The following CORO2A variants were observed in gnomAD, a reference collection of about 807,000 sequenced individuals.
The protein encoded by CORO2A is coronin 2A, also known as coronin-2A.
CORO2A carries 47 observed loss-of-function variants against 62.4 expected under a neutral mutation model. The observed-to-expected ratio is 0.75, with a 90% confidence interval of 0.60 to 0.96. The LOEUF is 0.96. Ranked by LOEUF, CORO2A falls within the 40% of genes least tolerant of loss-of-function variation. The probability of loss-of-function intolerance (pLI) is 0.00; values close to 1 mark genes in which losing one functional copy is unlikely to be tolerated. For synonymous variants in CORO2A, 273 were observed against 268.9 expected (o/e 1.02, Z -0.15); for missense variants, 610 against 684.1 (o/e 0.89, Z 1.21).
At chr9:98,177,457 GTTT>G (rs1174402008) in intron 1 of CORO2A, among the ~76,000 whole-genome samples, 13,932 of 97,676 alleles carry the variant, frequency 0.14, 626 homozygotes, top group East Asian at 0.27. Flanking sequence ...TCCAAACTTT[GTTT>G]TTTTTTTTTT....
chr9:98,190,382 CTTTTTA>C (rs1828292031), intron 1 of CORO2A, among the ~76,000 whole-genome samples: 1 of 152,164 alleles, frequency 6.6e-6, no homozygotes, highest in South Asian at 2.1e-4. Context: ...AGAGTTTCAT[CTTTTTA>C]TTTTTATTTT....
chr9:98,151,966 G>A (rs537669852), intron 2 of CORO2A, among the ~76,000 whole-genome samples: 59 of 150,416 alleles, frequency 3.9e-4, no homozygotes, highest in Middle Eastern at 3.4e-3. Flanking sequence ...ACAGGCGCAC[G>A]CCACCATGCC....
chr9:98,138,599 T>G (rs1283631656), intron 2 of CORO2A, among the ~76,000 whole-genome samples: 1 of 152,152 alleles, frequency 6.6e-6, no homozygotes, highest in Non-Finnish European at 1.5e-5. Flanking sequence ...ACAGCATGGA[T>G]TAACCTAGAA....
intron 1 of CORO2A, among the ~76,000 whole-genome samples, chr9:98,164,239 T>C (rs1175375783): frequency 6.6e-6 from 1 of 152,188 alleles, no homozygotes; most frequent in African/African-American, 2.4e-5. Context: ...TAAAGAACGC[T>C]CTATGTGAAG....
At chr9:98,179,870 G>A (rs1423094730) in intron 1 of CORO2A, among the ~76,000 whole-genome samples, 1 of 152,090 alleles carries the variant, frequency 6.6e-6, no homozygotes, top group African/African-American at 2.4e-5. Flanking sequence ...AGGTGCGGTG[G>A]CAGGTGCCTG....
At chr9:98,182,627 G>C (rs1002788395) in intron 1 of CORO2A, among the ~76,000 whole-genome samples, 7 of 152,190 alleles carry the variant, frequency 4.6e-5, no homozygotes, top group Non-Finnish European at 1.0e-4. Flanking sequence ...AATTAGACCA[G>C]GTTCAAAGCC....
chr9:98,148,930 T>A (rs1333756531), intron 2 of CORO2A, among the ~76,000 whole-genome samples: 1 of 152,168 alleles, frequency 6.6e-6, no homozygotes, highest in African/African-American at 2.4e-5. Flanking sequence ...TTATGTAACA[T>A]TCCTAAAACG....
intron 1 of CORO2A, among the ~76,000 whole-genome samples, chr9:98,165,298 ACTTTGT>A (rs1827944242): frequency 6.6e-6 from 1 of 152,192 alleles, no homozygotes; most frequent in Non-Finnish European, 1.5e-5. Context: ...GGTAGCCCTG[ACTTTGT>A]CAAGTTGTCT....
intron 1 of CORO2A, among the ~76,000 whole-genome samples, chr9:98,177,203 G>A (rs1043838913): frequency 2.0e-5 from 3 of 152,154 alleles, no homozygotes; most frequent in African/African-American, 7.2e-5. Context: ...CAGAGCATCA[G>A]CAGCCCCCAC....
intron 1 of CORO2A, among the ~76,000 whole-genome samples, chr9:98,169,817 TA>T (rs879547864): frequency 1.3e-5 from 2 of 152,274 alleles, no homozygotes; most frequent in Non-Finnish European, 2.9e-5. Flanking sequence ...CCAGCTCAGG[TA>T]AGTCGCTGGG....
chr9:98,132,689 C>T (rs1020946977), intron 5 of CORO2A, among the ~76,000 whole-genome samples: 1 of 152,168 alleles, frequency 6.6e-6, no homozygotes, highest in African/African-American at 2.4e-5. Context: ...GAGCAGGAAG[C>T]GCTTGCCCAA....
At chr9:98,147,870 C>T (rs544879614) in intron 2 of CORO2A, among the ~76,000 whole-genome samples, 180 of 152,186 alleles carry the variant, frequency 1.2e-3, no homozygotes, top group African/African-American at 4.0e-3. Flanking sequence ...GCCCCAAACT[C>T]GAAACAACCC....
In CORO2A at chr9:98,152,055, G is replaced by T. The variant is rs1305320827; in HGVS notation, c.201+5405C>A. Among the ~76,000 whole-genome samples the T allele has an allele frequency of 4.6e-5, 7 of 151,336 alleles. No individual in the cohort carries two copies. The South Asian group carries it at 6.3e-4, about 14-fold the overall frequency. ...TGCTCTCAAACTCCTGACCTCAGAT[G>T]ATCCACCTGCCTTGGCCTCCCAAAG... On this transcript the variant is annotated intron_variant, in intron 2 of 11. Transcript: ENST00000375077.
chr9:98,148,699 A>C (rs1399428131), intron 2 of CORO2A, among the ~76,000 whole-genome samples: 3 of 151,646 alleles, frequency 2.0e-5, no homozygotes, highest in African/African-American at 7.3e-5. Flanking sequence ...CTGCAGTGAG[A>C]TATGATCATG....
chr9:98,135,205 C>A (rs1429325673), intron 3 of CORO2A, among the ~76,000 whole-genome samples: 2 of 152,188 alleles, frequency 1.3e-5, no homozygotes, highest in Non-Finnish European at 2.9e-5. Context: ...TGAGTCTAGG[C>A]CTCCAAATCT....
At chr9:98,142,430 C>T (rs577961114) in intron 2 of CORO2A, among the ~76,000 whole-genome samples, 1 of 151,878 alleles carries the variant, frequency 6.6e-6, no homozygotes, top group African/African-American at 2.4e-5. Context: ...GGCCTCCTTC[C>T]TGCACACAGC....
chr9:98,188,623 G>A (rs1000346397), intron 1 of CORO2A, among the ~76,000 whole-genome samples: 2 of 152,126 alleles, frequency 1.3e-5, no homozygotes, highest in African/African-American at 4.8e-5. Flanking sequence ...AAACTAGCTG[G>A]TGTGGTGGCA....
At chr9:98,158,817 G>C (rs1827841572) in intron 1 of CORO2A, among the ~76,000 whole-genome samples, 1 of 146,650 alleles carries the variant, frequency 6.8e-6, no homozygotes, top group African/African-American at 2.5e-5. Context: ...GATTATCAAA[G>C]AGAAATTAAA....
At chr9:98,191,781 G>A (rs1828308353) in intron 1 of CORO2A, among the ~76,000 whole-genome samples, 1 of 152,204 alleles carries the variant, frequency 6.6e-6, no homozygotes. Context: ...AGGTCCAGGC[G>A]TGGCCGCCAG....
Sources: gnomAD v4.1 joint callset for allele counts (sites outside exome capture counted in the v4.1 genomes callset) on GRCh38, gnomAD v4.1.1 for gene constraint, MANE v1.5 for transcripts, NCBI Gene and HGNC (gene_info 2026-07-23, HGNC 2026-07-21) for gene names.